GLRA2: variants seen among roughly 807,000 people sequenced by gnomAD.
GLRA2 encodes glycine receptor alpha 2.
In GLRA2, 11 loss-of-function variants were observed where a neutral mutation model predicts 31.6. The ratio of observed to expected loss-of-function variants is 0.35; its 90% CI spans 0.22 to 0.58. The LOEUF is 0.58. GLRA2 is among the 20% of genes least tolerant of loss of function. The pLI is 0.84. For synonymous variants in GLRA2, 132 were observed against 134.0 expected (o/e 0.99, Z 0.10); for missense variants, 212 against 351.8 (o/e 0.60, Z 3.18).
intron 7 of GLRA2, among the ~76,000 whole-genome samples, chrX:14,620,791 A>G (rs1473326965): frequency 8.9e-6 from 1 of 111,762 alleles, no homozygotes; most frequent in Non-Finnish European, 1.9e-5. Context: ...GGCCTCAGCA[A>G]TCTTGTTAGA....
chrX:14,719,309 A>G (rs2091834464), intron 8 of GLRA2, among the ~76,000 whole-genome samples: 1 of 112,067 alleles, frequency 8.9e-6, no homozygotes, highest in Non-Finnish European at 1.9e-5. Context: ...TCATCCAATA[A>G]GGGATCAATA....
At chrX:14,648,238 A>T (rs1440852979) in intron 7 of GLRA2, among the ~76,000 whole-genome samples, 1 of 112,362 alleles carries the variant, frequency 8.9e-6, no homozygotes, top group African/African-American at 3.2e-5. Context: ...ATTGAAGCTT[A>T]CAGTCTAGTG....
At chrX:14,518,027 A>C in the GLRA2 span, among the ~76,000 whole-genome samples, 2 of 111,501 alleles carry the variant, frequency 1.8e-5, no homozygotes, top group African/African-American at 6.5e-5. Context: ...CAAAGGAAAC[A>C]ACTTAATTGA....
At chrX:14,685,759 AC>A (rs1328799766) in intron 7 of GLRA2, among the ~76,000 whole-genome samples, 1 of 111,426 alleles carries the variant, frequency 9.0e-6, no homozygotes, top group Non-Finnish European at 1.9e-5. Context: ...ATTTCAAAAA[AC>A]CAGCTCCTGG....
chrX:14,719,295 C>G (rs937895187), intron 8 of GLRA2, among the ~76,000 whole-genome samples: 11 of 112,020 alleles, frequency 9.8e-5, no homozygotes, highest in South Asian at 7.4e-4. Flanking sequence ...CACTTTCAAA[C>G]TCTTCATCCA....
intron 7 of GLRA2, among the ~76,000 whole-genome samples, chrX:14,625,854 A>G (rs777116825): frequency 6.3e-5 from 7 of 111,700 alleles, no homozygotes; most frequent in Non-Finnish European, 1.1e-4. Context: ...TAAAGTTCAC[A>G]TCAACCCAAC....
intron 7 of GLRA2, among the ~76,000 whole-genome samples, chrX:14,629,777 A>G (rs910206263): frequency 9.0e-6 from 1 of 111,457 alleles, no homozygotes; most frequent in Non-Finnish European, 1.9e-5. Flanking sequence ...GGTTTATAGT[A>G]CATATATTTT....
chrX:14,473,321 A>G, the GLRA2 span, among the ~76,000 whole-genome samples: 1 of 112,013 alleles, frequency 8.9e-6, no homozygotes, highest in South Asian at 3.8e-4. Flanking sequence ...CCTCTAACAA[A>G]TTGAGGTGCC....
intron 7 of GLRA2, among the ~76,000 whole-genome samples, chrX:14,653,224 A>AT (rs1422638848): frequency 2.7e-5 from 3 of 111,707 alleles, no homozygotes; most frequent in Non-Finnish European, 5.6e-5. Context: ...AATTCTTACT[A>AT]TTTTTTAAAA....
At chrX:14,461,998 T>A in the GLRA2 span, among the ~76,000 whole-genome samples, 1 of 112,375 alleles carries the variant, frequency 8.9e-6, no homozygotes, top group African/African-American at 3.2e-5. Context: ...CTTGTTCCTT[T>A]CCATGTTTAG....
At chrX:14,604,543 AGTGTGTGT>A (rs377121617) in intron 5 of GLRA2, 146 bp downstream of exon 5, 19,412 of 158,404 alleles carry the variant, frequency 0.12, 1,450 homozygotes, top group Non-Finnish European at 0.15. Flanking sequence ...GACAAACCAA[AGTGTGTGT>A]GTGTGTGTGT....
chrX:14,494,785 G>A, the GLRA2 span, among the ~76,000 whole-genome samples: 2 of 111,784 alleles, frequency 1.8e-5, no homozygotes, highest in Admixed American at 9.5e-5. Context: ...CCTGACTCCC[G>A]TAGAAGCACC....
intron 8 of GLRA2, among the ~76,000 whole-genome samples, chrX:14,704,421 G>A (rs1266842044): frequency 8.9e-6 from 1 of 112,234 alleles, no homozygotes; most frequent in Admixed American, 9.4e-5. Context: ...GGCAACTTGA[G>A]CTGTAGTTAT....
At chrX:14,472,869 A>G in the GLRA2 span, among the ~76,000 whole-genome samples, 1 of 111,164 alleles carries the variant, frequency 9.0e-6, no homozygotes, top group African/African-American at 3.3e-5. Flanking sequence ...TGGGAATGCT[A>G]ATATAAGTAT....
intron 7 of GLRA2, among the ~76,000 whole-genome samples, chrX:14,679,954 AGTCTAGG>A (rs1161655644): frequency 9.0e-6 from 1 of 111,702 alleles, no homozygotes; most frequent in Non-Finnish European, 1.9e-5. Flanking sequence ...ATAACACTAA[AGTCTAGG>A]TCAGAGGCTG....
chrX:14,451,932 G>A, the GLRA2 span, among the ~76,000 whole-genome samples: 1 of 111,571 alleles, frequency 9.0e-6, no homozygotes, highest in African/African-American at 3.3e-5. Context: ...AAATATATAT[G>A]CACCCAACAT....
At chrX:14,572,962 T>C (rs184695884) in intron 2 of GLRA2, among the ~76,000 whole-genome samples, 1,126 of 111,899 alleles carry the variant, frequency 0.01, 6 homozygotes, top group Non-Finnish European at 0.015. Flanking sequence ...ACACTTGTAC[T>C]TTCATTAGGA....
the GLRA2 span, among the ~76,000 whole-genome samples, chrX:14,467,378 A>G: frequency 1.8e-5 from 2 of 112,145 alleles, no homozygotes; most frequent in Admixed American, 1.9e-4. Flanking sequence ...GAGGTTCTGC[A>G]TTTCTACACC....
the GLRA2 span, among the ~76,000 whole-genome samples, chrX:14,456,633 T>C: frequency 1.8e-5 from 2 of 112,478 alleles, no homozygotes; most frequent in East Asian, 2.8e-4. Flanking sequence ...TTCTGGCTTA[T>C]TTCACTTAAC....
Sources: allele counts gnomAD v4.1 joint callset (sites outside exome capture counted in the v4.1 genomes callset), GRCh38; gene constraint gnomAD v4.1.1; transcripts MANE v1.5; gene names NCBI Gene and HGNC (gene_info 2026-07-23, HGNC 2026-07-21).